Variants in PPP1R9A observed in about 807,000 individuals in gnomAD.
PPP1R9A encodes the protein neurabin-1.
In PPP1R9A, 59 loss-of-function variants were observed where a neutral mutation model predicts 141.9. That is an observed-to-expected ratio of 0.42 (90% CI 0.34 to 0.52). PPP1R9A has a LOEUF of 0.52. Among genes scored for constraint, PPP1R9A ranks in the 20% least tolerant of loss-of-function variants. The probability of loss-of-function intolerance (pLI) is 0.10; values close to 1 mark genes in which losing one functional copy is unlikely to be tolerated. For missense variants in PPP1R9A, 1,444 were observed against 1,611.9 expected (o/e 0.90, Z 1.78); for synonymous variants, 500 against 569.7 (o/e 0.88, Z 1.74).
intron 7 of PPP1R9A, among the ~76,000 whole-genome samples, chr7:95,211,124 T>A (rs1447394679): frequency 6.7e-6 from 1 of 150,116 alleles, no homozygotes; most frequent in South Asian, 2.2e-4. Flanking sequence ...TCTGCACATG[T>A]ATCCCAGAAC....
At chr7:95,246,453 C>A (rs1011747131) in intron 8 of PPP1R9A, among the ~76,000 whole-genome samples, 3 of 152,162 alleles carry the variant, frequency 2.0e-5, no homozygotes, top group Non-Finnish European at 4.4e-5. Flanking sequence ...TTTAGTGGTA[C>A]AACCTGACCT....
intron 8 of PPP1R9A, among the ~76,000 whole-genome samples, chr7:95,229,552 CT>C (rs2152959935): frequency 6.6e-6 from 1 of 152,112 alleles, no homozygotes; most frequent in East Asian, 1.9e-4. Flanking sequence ...CATAATCCCC[CT>C]GGGAATATAA....
At chr7:95,214,180 A>G (rs1432713945) in intron 7 of PPP1R9A, 1 of 152,212 alleles carries the variant, frequency 6.6e-6, no homozygotes, top group Non-Finnish European at 1.5e-5. Context: ...ATATTTGTAC[A>G]TTACCGTGTC....
In PPP1R9A at chr7:95,234,037, A is replaced by T. The variant is rs78944527; in HGVS notation, c.2112+7921A>T. Among the ~76,000 whole-genome samples the T allele has an allele frequency of 5.3e-5, 8 of 152,316 alleles. No homozygotes were observed. The East Asian group carries it at 1.5e-3, about 29-fold the overall frequency. The stretch of plus-strand genomic sequence containing the variant: ...GCATAGAAGAGACATACCTTAAGGT[A>T]ATAAAAGCCATCTATGACAGACCCA... On this transcript the variant is annotated intron_variant, in intron 8 of 19. Coordinates refer to ENST00000433360, the MANE Select transcript of PPP1R9A (RefSeq NM_001166160.2).
intron 2 of PPP1R9A, chr7:95,035,741 A>G (rs1808341858): frequency 1.3e-5 from 2 of 152,330 alleles, no homozygotes; most frequent in East Asian, 3.9e-4. Context: ...GGTCAATGAA[A>G]GCTTTCAGAA....
intron 2 of PPP1R9A, among the ~76,000 whole-genome samples, chr7:94,998,990 A>G (rs994877221): frequency 1.3e-5 from 2 of 152,194 alleles, no homozygotes; most frequent in Non-Finnish European, 2.9e-5. Flanking sequence ...CCTGGGCTCA[A>G]GTGATTCTCC....
chr7:95,152,909 C>T (rs1371734178), intron 4 of PPP1R9A, among the ~76,000 whole-genome samples: 1 of 149,024 alleles, frequency 6.7e-6, no homozygotes, highest in Admixed American at 6.8e-5. Context: ...AGTGCAGTGG[C>T]ACTATCTCAG....
chr7:95,180,561 C>T, intron 5 of PPP1R9A, among the ~76,000 whole-genome samples: 1 of 151,954 alleles, frequency 6.6e-6, no homozygotes, highest in East Asian at 1.9e-4. Flanking sequence ...TTTGCACAGC[C>T]AAAGTCACAG....
chr7:95,119,944 A>G (rs1563263840), intron 3 of PPP1R9A, among the ~76,000 whole-genome samples: 2 of 143,534 alleles, frequency 1.4e-5, no homozygotes, highest in African/African-American at 5.2e-5. Context: ...AAGTACTCAA[A>G]TATACTATCT....
chr7:95,033,489 T>A (rs1217246742), intron 2 of PPP1R9A, among the ~76,000 whole-genome samples: 1 of 152,190 alleles, frequency 6.6e-6, no homozygotes, highest in Non-Finnish European at 1.5e-5. Flanking sequence ...CTCTTCATTA[T>A]GTTTTCTGTT....
intron 2 of PPP1R9A, among the ~76,000 whole-genome samples, chr7:94,927,234 T>C (rs977666642): frequency 7.9e-5 from 12 of 152,204 alleles, no homozygotes; most frequent in Non-Finnish European, 1.3e-4. Flanking sequence ...GACATTGAAG[T>C]AGAAGAATCT....
chr7:95,056,117 A>G (rs887818488), intron 2 of PPP1R9A, among the ~76,000 whole-genome samples: 2 of 152,036 alleles, frequency 1.3e-5, no homozygotes, highest in African/African-American at 4.8e-5. Flanking sequence ...TTAATTTCTC[A>G]CTTTTACTTG....
chr7:95,163,148 G>T, intron 5 of PPP1R9A, among the ~76,000 whole-genome samples: 1 of 152,096 alleles, frequency 6.6e-6, no homozygotes, highest in East Asian at 1.9e-4. Flanking sequence ...AAATGAAATA[G>T]GTAAGATATA....
At chr7:95,220,340 C>T (rs1336725907) in intron 7 of PPP1R9A, among the ~76,000 whole-genome samples, 1 of 152,118 alleles carries the variant, frequency 6.6e-6, no homozygotes, top group East Asian at 1.9e-4. Context: ...AAATTCAAAT[C>T]CGGTAAACAA....
chr7:95,121,388 C>A (rs954452366), intron 4 of PPP1R9A, among the ~76,000 whole-genome samples: 1 of 152,106 alleles, frequency 6.6e-6, no homozygotes, highest in Non-Finnish European at 1.5e-5. Flanking sequence ...TAGTACACAG[C>A]AGAGCATCCA....
intron 14 of PPP1R9A, among the ~76,000 whole-genome samples, chr7:95,273,621 A>G (rs182583388): frequency 6.6e-5 from 10 of 152,300 alleles, no homozygotes; most frequent in Non-Finnish European, 1.0e-4. Context: ...GCAGAGGATG[A>G]TTTGAGAGTA....
intron 2 of PPP1R9A, among the ~76,000 whole-genome samples, chr7:94,963,303 A>T (rs1241691523): frequency 6.6e-6 from 1 of 152,108 alleles, no homozygotes; most frequent in Admixed American, 6.6e-5. Context: ...GACTTTCTAA[A>T]TTTTAATATG....
In PPP1R9A at chr7:95,294,966, A is replaced by G. The variant is rs1325548135; in HGVS notation, c.*4663A>G. On this transcript the variant is annotated 3_prime_UTR_variant, in exon 20 of 20. Coordinates refer to ENST00000433360, the MANE Select transcript of PPP1R9A (RefSeq NM_001166160.2). ...AAGGAAAGAAATATGATGATTTCCT[A>G]TGCTTGACCCTAACCCAACCCCAAA... The G allele has an allele frequency of 6.6e-6, 1 of 152,662 alleles. No individual in the cohort carries two copies. Among genetic ancestry groups the G allele is most frequent in the East Asian group, 1.9e-4 (1 of 5,186 alleles). The allele number at this position is 152,662 out of a possible 1,614,324, so 9.5% of individuals were successfully genotyped here.
intron 2 of PPP1R9A, among the ~76,000 whole-genome samples, chr7:95,107,686 C>T (rs1819745868): frequency 6.6e-6 from 1 of 152,090 alleles, no homozygotes; most frequent in Non-Finnish European, 1.5e-5. Flanking sequence ...ACTATATTGC[C>T]TTAATAAGCG....
Sources: gnomAD v4.1 joint callset for allele counts (sites outside exome capture counted in the v4.1 genomes callset) on GRCh38, gnomAD v4.1.1 for gene constraint, MANE v1.5 for transcripts, NCBI Gene and HGNC (gene_info 2026-07-23, HGNC 2026-07-21) for gene names.